The following MEOX1 variants were observed in gnomAD, a reference collection of about 807,000 sequenced individuals.
MEOX1 encodes homeobox protein MOX-1.
A neutral mutation model predicts 23.2 loss-of-function variants in MEOX1; 17 were observed. The observed-to-expected ratio is 0.73, with a 90% CI of 0.50 to 1.10. The LOEUF is 1.10. Among genes scored for constraint, MEOX1 ranks in the 50% least tolerant of loss-of-function variants. The pLI, the probability that MEOX1 is intolerant of heterozygous loss-of-function variation, is 0.00. For missense variants in MEOX1, 333 were observed against 332.2 expected, an observed-to-expected ratio of 1.00 and a Z score of -0.02; for synonymous variants, 134 against 135.1, an observed-to-expected ratio of 0.99 and a Z score of 0.06.
intron 1 of MEOX1, 33 bp from the exon 2 acceptor site, chr17:43,643,693 G>C: frequency 1.3e-6 from 2 of 1,585,020 alleles, no homozygotes; most frequent in Non-Finnish European, 1.7e-6. Flanking sequence ...AGGAAGACAT[G>C]GGCTGAGGGA....
chr17:43,643,095 G>A (rs185915649), intron 2 of MEOX1, among the ~76,000 whole-genome samples: 104 of 152,096 alleles, frequency 6.8e-4, no homozygotes, highest in Non-Finnish European at 1.1e-3. Context: ...GATCACCTGA[G>A]GTCAGGAGTT....
chr17:43,657,340 AT>A (rs34747408), intron 1 of MEOX1, among the ~76,000 whole-genome samples: 84,879 of 122,138 alleles, frequency 0.69, 31,410 homozygotes, highest in Non-Finnish European at 0.83. Flanking sequence ...CACCTGGCTA[AT>A]TTTTTTTTTT....
At chr17:43,646,105 C>T (rs1972806537) in intron 1 of MEOX1, among the ~76,000 whole-genome samples, 1 of 152,178 alleles carries the variant, frequency 6.6e-6, no homozygotes, top group Non-Finnish European at 1.5e-5. Context: ...GGTTGGCCGC[C>T]CGCGGGGCGC....
chr17:43,651,612 T>G (rs956648998), intron 1 of MEOX1, among the ~76,000 whole-genome samples: 1 of 151,330 alleles, frequency 6.6e-6, no homozygotes, highest in Non-Finnish European at 1.5e-5. Flanking sequence ...GGAGCCAAAT[T>G]GGGTGAGAAG....
chr17:43,659,707 T>C (rs1973104243), intron 1 of MEOX1, among the ~76,000 whole-genome samples: 3 of 152,182 alleles, frequency 2.0e-5, no homozygotes, highest in African/African-American at 7.2e-5. Flanking sequence ...TCTTTCATTT[T>C]GCAGATTGAG....
chr17:43,649,889 T>G (rs1187333809), intron 1 of MEOX1, among the ~76,000 whole-genome samples: 1 of 152,226 alleles, frequency 6.6e-6, no homozygotes, highest in Admixed American at 6.5e-5. Context: ...TGCATGTGAT[T>G]GCGGTTTCCA....
chr17:43,647,591 C>T (rs1253630123), intron 1 of MEOX1, among the ~76,000 whole-genome samples: 1 of 152,166 alleles, frequency 6.6e-6, no homozygotes, highest in East Asian at 1.9e-4. Context: ...GGTCACCACC[C>T]TGTTTGCTAC....
At chr17:43,648,222 C>T (rs945900804) in intron 1 of MEOX1, among the ~76,000 whole-genome samples, 5 of 152,282 alleles carry the variant, frequency 3.3e-5, no homozygotes, top group African/African-American at 9.6e-5. Context: ...GTAATCCCAG[C>T]ACTTTGGGAG....
rs536283503 is a variant in MEOX1 at position 43,641,758 on chromosome 17, CCAGGAATGCTGGGCAGTTT to C, written c.*133_*151del. 4.0e-3 allele frequency: 3,153 copies of C among 785,440 alleles called. 27 individuals carry two copies. The highest frequency in any genetic ancestry group is 0.024 in the Admixed American group (832 of 34,666). 48.7% of individuals were successfully genotyped at this position (785,440 alleles called of 1,614,324 possible). A position where few individuals can be genotyped will look rare whatever the true frequency, so the allele number is the denominator to read the frequency against. ...AACTTCCTAGAAAATCCTAAGACTC[CCAGGAATGCTGGGCAGTTT>C]CATATCCAAGAGTCAGGGAAAGATG... On this transcript the variant is annotated 3_prime_UTR_variant, in exon 3 of 3. Coordinates refer to ENST00000318579, the MANE Select transcript of MEOX1 (RefSeq NM_004527.4).
At chr17:43,647,523 T>G (rs964610000) in intron 1 of MEOX1, among the ~76,000 whole-genome samples, 2 of 152,146 alleles carry the variant, frequency 1.3e-5, no homozygotes, top group Non-Finnish European at 2.9e-5. Context: ...CTGGCTCAGG[T>G]TGGGGCCTGG....
intron 1 of MEOX1, among the ~76,000 whole-genome samples, chr17:43,660,154 G>A (rs1048682394): frequency 6.6e-6 from 1 of 152,232 alleles, no homozygotes; most frequent in Non-Finnish European, 1.5e-5. Context: ...CCGGGACAAG[G>A]AACCAGACAA....
intron 1 of MEOX1, among the ~76,000 whole-genome samples, chr17:43,654,884 C>A (rs1458416531): frequency 6.6e-6 from 1 of 151,834 alleles, no homozygotes; most frequent in Admixed American, 6.6e-5. Flanking sequence ...AACCCCGTCT[C>A]TACTAAAAAT....
chr17:43,643,765 T>G, intron 1 of MEOX1, 105 bp from the exon 2 acceptor site: 1 of 798,264 alleles, frequency 1.3e-6, no homozygotes, highest in East Asian at 2.8e-5. Context: ...CTCCCTTATT[T>G]TTACAGGATG....
Position 43,661,170 on chromosome 17 carries a change from C to T in MEOX1, c.365G>A (p.Gly122Asp), listed in dbSNP as rs576651683. 3 of 1,597,382 alleles carry T rather than the reference C, an allele frequency of 1.9e-6. No homozygotes were observed. In the South Asian group the frequency reaches 3.4e-5, roughly 18 times the overall value. ...TGGGCCTCCTGTGGTGTCCACCAGG[C>T]CCAGGCTGCTGGTCCCCATTTCCTT... is the stretch of plus-strand genomic sequence containing the variant. ...GSKEMGTSSL[G>D]LVDTTGGPGD... The change falls in exon 1 of 3, where the codon GGC becomes GAC. Residue 122 changes from glycine (G) to aspartate (D), a missense_variant. By Grantham distance (94) the Gly-to-Asp change is moderately conservative (BLOSUM62 -1). Coordinates refer to ENST00000318579, the MANE Select transcript of MEOX1 (RefSeq NM_004527.4).
At position 43,661,498 on chromosome 17, in the gene MEOX1, G is replaced by A. The variant is rs868056016; in HGVS notation, c.37C>T (p.Gln13Ter). 6.3e-7 allele frequency: 1 copy of A among 1,595,082 alleles called. No individual in the cohort carries two copies. Among genetic ancestry groups the A allele is most frequent in the Non-Finnish European group, 8.5e-7 (1 of 1,171,638 alleles). Residue 13 changes from glutamine to a stop codon, truncating the protein, a stop_gained, in exon 1 of 3, where the codon CAG (glutamine) becomes TAG (stop). Transcript: ENST00000318579. LOFTEE classifies it high-confidence loss of function. The part of the protein sequence containing the change: ...PAASSCMRSL[Q>*]PPAPVWGCLR... ...CAGCCCCAGACAGGGGCTGGGGGCT[G>A]GAGGCTCCTCATGCAGCTGCTGGCC... is the stretch of plus-strand genomic sequence containing the variant.
chr17:43,649,091 A>T (rs1465041532), intron 1 of MEOX1, among the ~76,000 whole-genome samples: 5 of 152,170 alleles, frequency 3.3e-5, no homozygotes, highest in African/African-American at 1.2e-4. Context: ...AAGTAACAGG[A>T]GCTGGATAGC....
intron 1 of MEOX1, among the ~76,000 whole-genome samples, chr17:43,660,146 G>A (rs781758446): frequency 9.8e-5 from 15 of 152,310 alleles, no homozygotes; most frequent in African/African-American, 2.6e-4. Context: ...GAACGAGGCC[G>A]GGACAAGGAA....
chr17:43,645,169 ATCT>A (rs1286374657), intron 1 of MEOX1, among the ~76,000 whole-genome samples: 27 of 129,756 alleles, frequency 2.1e-4, no homozygotes, highest in African/African-American at 8.4e-4. Context: ...TTCATTAATT[ATCT>A]TTTTTTTTTT....
At chr17:43,650,310 A>G (rs1281568736) in intron 1 of MEOX1, among the ~76,000 whole-genome samples, 1 of 152,152 alleles carries the variant, frequency 6.6e-6, no homozygotes, top group African/African-American at 2.4e-5. Context: ...GACACACGGC[A>G]AGTTAGGGGC....
Sources: allele counts gnomAD v4.1 joint callset (sites outside exome capture counted in the v4.1 genomes callset), GRCh38; gene constraint gnomAD v4.1.1; transcripts MANE v1.5; gene names NCBI Gene and HGNC (gene_info 2026-07-23, HGNC 2026-07-21).